Variants in HIGD1C observed in about 807,000 individuals in gnomAD.
HIGD1C encodes the protein HIG1 hypoxia inducible domain family member 1C.
HIGD1C carries 11 observed loss-of-function variants against 13.1 expected under a neutral mutation model. The observed-to-expected ratio is 0.84, with a 90% CI of 0.53 to 1.39. The LOEUF (loss-of-function observed/expected upper bound fraction) is 1.39, where lower values mean the gene tolerates loss of function less well. HIGD1C is among the 40% of genes most tolerant of loss of function. The pLI, the probability that HIGD1C is intolerant of heterozygous loss-of-function variation, is 0.00. For missense variants in HIGD1C, 110 were observed against 112.0 expected, an observed-to-expected ratio of 0.98 and a Z score of 0.08; for synonymous variants, 36 against 37.7, an observed-to-expected ratio of 0.95 and a Z score of 0.17.
chr12:50,969,819 G>A (rs1024318272), intron 2 of HIGD1C, among the ~76,000 whole-genome samples: 9 of 152,140 alleles, frequency 5.9e-5, no homozygotes, highest in Non-Finnish European at 1.3e-4. Flanking sequence ...GACAGGTATG[G>A]GCTGGTGGTG....
At chr12:50,942,525 G>A in the HIGD1C span, among the ~76,000 whole-genome samples, 1 of 152,156 alleles carries the variant, frequency 6.6e-6, no homozygotes, top group East Asian at 1.9e-4. Context: ...GAAATCCTTT[G>A]ATGGCTTCCC....
At chr12:50,933,018 A>C in the HIGD1C span, among the ~76,000 whole-genome samples, 1 of 152,236 alleles carries the variant, frequency 6.6e-6, no homozygotes, top group East Asian at 1.9e-4. Context: ...ATTACACTGA[A>C]AGATAATACC....
intron 2 of HIGD1C, among the ~76,000 whole-genome samples, chr12:50,962,232 T>TACACAC (rs34526248): frequency 1.4e-5 from 2 of 146,196 alleles, no homozygotes; most frequent in African/African-American, 2.5e-5. Flanking sequence ...CTAAAAAAAT[T>TACACAC]ACACACACAC....
At chr12:50,967,762 A>G (rs1939594975) in intron 2 of HIGD1C, among the ~76,000 whole-genome samples, 1 of 152,172 alleles carries the variant, frequency 6.6e-6, no homozygotes, top group African/African-American at 2.4e-5. Context: ...AAGTACTTCT[A>G]ATTCCAAACT....
At chr12:50,943,627 G>T in the HIGD1C span, among the ~76,000 whole-genome samples, 1 of 151,366 alleles carries the variant, frequency 6.6e-6, no homozygotes, top group Non-Finnish European at 1.5e-5. Context: ...GGAGAATGGT[G>T]TGAACCCTGG....
At chr12:50,958,975 C>G (rs192777596) in intron 1 of HIGD1C, among the ~76,000 whole-genome samples, 1 of 151,176 alleles carries the variant, frequency 6.6e-6, no homozygotes, top group Admixed American at 6.6e-5. Context: ...TGAGATTGTA[C>G]CACTTCACTG....
At chr12:50,968,725 A>G (rs942317818) in intron 2 of HIGD1C, among the ~76,000 whole-genome samples, 2 of 151,966 alleles carry the variant, frequency 1.3e-5, no homozygotes, top group African/African-American at 4.8e-5. Context: ...TATTTTTAGT[A>G]GAGATGGGGT....
At chr12:50,944,692 G>A in the HIGD1C span, among the ~76,000 whole-genome samples, 2 of 152,182 alleles carry the variant, frequency 1.3e-5, no homozygotes, top group Non-Finnish European at 1.5e-5. Context: ...TTTGAGACCA[G>A]CCTGGCCAAC....
chr12:50,952,229 A>G (rs1042649808), upstream of HIGD1C, among the ~76,000 whole-genome samples: 2 of 152,168 alleles, frequency 1.3e-5, no homozygotes, highest in Non-Finnish European at 2.9e-5. Flanking sequence ...ACAAAAGTAT[A>G]TGGAAGAAAA....
chr12:50,939,964 GAACA>G, the HIGD1C span: 1 of 150,020 alleles, frequency 6.7e-6, no homozygotes, highest in Non-Finnish European at 1.5e-5. Flanking sequence ...AGTGGAGGAG[GAACA>G]AAAATCTATA....
At chr12:50,963,876 C>T (rs191945560) in intron 2 of HIGD1C, among the ~76,000 whole-genome samples, 1 of 152,296 alleles carries the variant, frequency 6.6e-6, no homozygotes, top group African/African-American at 2.4e-5. Context: ...CCCTTGTCAA[C>T]TTGACATCCA....
At chr12:50,950,332 T>C (rs1447796239), upstream of HIGD1C, among the ~76,000 whole-genome samples, 3 of 152,068 alleles carry the variant, frequency 2.0e-5, no homozygotes, top group East Asian at 1.9e-4. Context: ...GGTTGGCCCA[T>C]GTAAACTACA....
At chr12:50,942,597 T>C in the HIGD1C span, among the ~76,000 whole-genome samples, 1 of 152,190 alleles carries the variant, frequency 6.6e-6, no homozygotes, top group Non-Finnish European at 1.5e-5. Context: ...CTGGGTGTAG[T>C]GGCTCATGCC....
At chr12:50,967,485 C>T (rs538973616) in intron 2 of HIGD1C, among the ~76,000 whole-genome samples, 5 of 152,082 alleles carry the variant, frequency 3.3e-5, no homozygotes, top group Non-Finnish European at 7.4e-5. Context: ...CTTCATTGCC[C>T]AAGCTGGTCT....
intron 1 of HIGD1C, among the ~76,000 whole-genome samples, chr12:50,956,769 T>C (rs1029033317): frequency 6.6e-6 from 1 of 152,224 alleles, no homozygotes; most frequent in East Asian, 1.9e-4. Context: ...TCCTCAAACA[T>C]AGTGTAGCCC....
chr12:50,935,514 G>A, the HIGD1C span: 5 of 152,056 alleles, frequency 3.3e-5, 1 homozygote, highest in Admixed American at 2.6e-4. Context: ...TTTGAGACAC[G>A]GTCTCCCTCT....
At chr12:50,948,628 G>C in the HIGD1C span, among the ~76,000 whole-genome samples, 12 of 151,018 alleles carry the variant, frequency 7.9e-5, no homozygotes, top group African/African-American at 2.7e-4. Flanking sequence ...CCAGCACTTT[G>C]GGAGGCCGAG....
At chr12:50,934,976 T>C in the HIGD1C span, 1 of 152,222 alleles carries the variant, frequency 6.6e-6, no homozygotes, top group Non-Finnish European at 1.5e-5. Context: ...AGTGTTCTAA[T>C]ATTCAAATTG....
At chr12:50,945,405 T>C in the HIGD1C span, among the ~76,000 whole-genome samples, 1 of 152,162 alleles carries the variant, frequency 6.6e-6, no homozygotes, top group African/African-American at 2.4e-5. Flanking sequence ...ACAAAATCAA[T>C]GTGCAAAAAT....
Sources: gnomAD v4.1 joint callset for allele counts (sites outside exome capture counted in the v4.1 genomes callset) on GRCh38, gnomAD v4.1.1 for gene constraint, MANE v1.5 for transcripts, NCBI Gene and HGNC (gene_info 2026-07-23, HGNC 2026-07-21) for gene names.